TRPM3: variants seen among roughly 807,000 people sequenced by gnomAD.
TRPM3 encodes long transient receptor potential channel 3.
Under a neutral mutation model 181.2 loss-of-function variants are expected in TRPM3, and 77 were observed. The ratio of observed to expected loss-of-function variants is 0.42; its 90% CI spans 0.35 to 0.51. TRPM3 has a LOEUF of 0.51. Among genes scored for constraint, TRPM3 ranks in the 20% least tolerant of loss-of-function variants. TRPM3 has a pLI of 0.01. For synonymous variants in TRPM3, 745 were observed against 796.4 expected (o/e 0.94, Z 1.09); for missense variants, 1,759 against 2,196.7 (o/e 0.80, Z 3.98).
At chr9:70,768,885 C>A (rs1230742959) in intron 7 of TRPM3, among the ~76,000 whole-genome samples, 2 of 152,100 alleles carry the variant, frequency 1.3e-5, no homozygotes, top group African/African-American at 4.8e-5. Context: ...TAGTGTATGT[C>A]TTTTTAGGTC....
intron 1 of TRPM3, among the ~76,000 whole-genome samples, chr9:71,190,489 C>G (rs1312875605): frequency 6.6e-6 from 1 of 151,816 alleles, no homozygotes; most frequent in Non-Finnish European, 1.5e-5. Context: ...ATCCGATAAT[C>G]TTATTTATAA....
chr9:71,123,190 A>T (rs571661846), upstream of TRPM3, among the ~76,000 whole-genome samples: 2 of 152,308 alleles, frequency 1.3e-5, no homozygotes, highest in Middle Eastern at 3.4e-3. Context: ...CAGGAATAAA[A>T]CCACTGCCTC....
intron 1 of TRPM3, among the ~76,000 whole-genome samples, chr9:70,893,067 G>A (rs1164097271): frequency 3.9e-5 from 6 of 152,194 alleles, no homozygotes; most frequent in Admixed American, 3.9e-4. Flanking sequence ...AAGAGGCAAT[G>A]TTGATGATAT....
chr9:71,129,628 T>C (rs1220934578), intron 1 of TRPM3, among the ~76,000 whole-genome samples: 3 of 152,182 alleles, frequency 2.0e-5, no homozygotes. Flanking sequence ...TTCAGGTCTA[T>C]CTTATTCTAT....
chr9:71,235,112 A>G (rs935484855), intron 1 of TRPM3, among the ~76,000 whole-genome samples: 3 of 152,032 alleles, frequency 2.0e-5, no homozygotes, highest in African/African-American at 7.2e-5. Context: ...TCTTTGCTGC[A>G]CCTCTAATGT....
intron 1 of TRPM3, among the ~76,000 whole-genome samples, chr9:71,348,757 A>G (rs2091439952): frequency 6.6e-6 from 1 of 151,582 alleles, no homozygotes. Flanking sequence ...TTTTACTGGA[A>G]GTGGGGTTTC....
At chr9:70,588,742 T>C (rs2057594399) in intron 22 of TRPM3, among the ~76,000 whole-genome samples, 1 of 152,182 alleles carries the variant, frequency 6.6e-6, no homozygotes, top group Non-Finnish European at 1.5e-5. Flanking sequence ...AATAGCTTGG[T>C]ACTTGGGACT....
At chr9:71,428,275 T>C (rs1037912826) in intron 1 of TRPM3, among the ~76,000 whole-genome samples, 10 of 149,802 alleles carry the variant, frequency 6.7e-5, no homozygotes, top group South Asian at 6.3e-4. Flanking sequence ...TTTTTTTTTT[T>C]AGTTGAGATG....
intron 1 of TRPM3, among the ~76,000 whole-genome samples, chr9:71,227,955 G>A (rs1037660602): frequency 6.6e-6 from 1 of 152,062 alleles, no homozygotes; most frequent in African/African-American, 2.4e-5. Context: ...AAAAATAAAA[G>A]TGGAGCAAAT....
chr9:70,959,334 T>G (rs1324861915), intron 1 of TRPM3, among the ~76,000 whole-genome samples: 3 of 151,980 alleles, frequency 2.0e-5, no homozygotes, highest in Admixed American at 1.3e-4. Context: ...ATAATAATAA[T>G]TAACACAGCC....
intron 1 of TRPM3, among the ~76,000 whole-genome samples, chr9:71,295,049 C>G (rs66644879): frequency 0.19 from 28,756 of 151,984 alleles, 2,805 homozygotes; most frequent in African/African-American, 0.25. Flanking sequence ...TTTTTATAAC[C>G]TGGATATTAA....
At chr9:71,294,328 C>T (rs1480471168) in intron 1 of TRPM3, among the ~76,000 whole-genome samples, 2 of 152,052 alleles carry the variant, frequency 1.3e-5, no homozygotes, top group East Asian at 1.9e-4. Context: ...AAACATTTCC[C>T]AGAAGAGGAA....
intron 1 of TRPM3, among the ~76,000 whole-genome samples, chr9:70,884,598 G>T (rs1447628890): frequency 6.6e-6 from 1 of 152,162 alleles, no homozygotes; most frequent in East Asian, 1.9e-4. Flanking sequence ...ACAGAAGTCA[G>T]CTTTGCATTT....
chr9:71,216,268 T>C (rs2079862358), intron 1 of TRPM3, among the ~76,000 whole-genome samples: 1 of 152,172 alleles, frequency 6.6e-6, no homozygotes, highest in Non-Finnish European at 1.5e-5. Flanking sequence ...TTTGTGCATA[T>C]ATTAGAATGA....
At position 70,792,368 on chromosome 9, in the gene TRPM3, A is replaced by G. The variant is rs555332207; in HGVS notation, c.974-8089T>C. On this transcript the variant is annotated intron_variant, in intron 6 of 25. Coordinates refer to ENST00000677713, the MANE Select transcript of TRPM3 (RefSeq NM_001366145.2). ...ATGAACAAAAAAGCCATATGCAGGTAGAAAACAAAGGAGCAGAGGGTACCA... is the reference window on the plus strand; with the variant it reads ...ATGAACAAAAAAGCCATATGCAGGTGGAAAACAAAGGAGCAGAGGGTACCA... Among the ~76,000 whole-genome samples the G allele has an allele frequency of 2.0e-5, 3 of 152,190 alleles. No individual in the cohort carries two copies. In the East Asian group the frequency reaches 5.8e-4, roughly 29 times the overall value.
chr9:71,149,933 G>A (rs2075639996), intron 1 of TRPM3, among the ~76,000 whole-genome samples: 1 of 151,864 alleles, frequency 6.6e-6, no homozygotes, highest in Non-Finnish European at 1.5e-5. Flanking sequence ...CTGTCATCCA[G>A]GCTCCACTTC....
intron 9 of TRPM3, among the ~76,000 whole-genome samples, chr9:70,677,037 T>A (rs2064175637): frequency 6.8e-6 from 1 of 147,918 alleles, no homozygotes; most frequent in Non-Finnish European, 1.5e-5. Context: ...ATCTCACACC[T>A]GGAAGCAAGT....
chr9:70,628,559 C>A (rs903884106), intron 12 of TRPM3, among the ~76,000 whole-genome samples: 1 of 152,080 alleles, frequency 6.6e-6, no homozygotes, highest in Non-Finnish European at 1.5e-5. Context: ...TGTGGGCTCA[C>A]ACCTGTAATC....
intron 8 of TRPM3, among the ~76,000 whole-genome samples, chr9:70,759,443 G>A (rs1238366807): frequency 6.6e-6 from 1 of 152,176 alleles, no homozygotes; most frequent in Non-Finnish European, 1.5e-5. Flanking sequence ...CAAGGATCTA[G>A]AACCAGAAAT....
Sources: allele counts gnomAD v4.1 joint callset (sites outside exome capture counted in the v4.1 genomes callset), GRCh38; gene constraint gnomAD v4.1.1; transcripts MANE v1.5; gene names NCBI Gene and HGNC (gene_info 2026-07-23, HGNC 2026-07-21).